Variants in ACO2 observed in about 807,000 individuals in gnomAD.
ACO2 encodes aconitase 2.
In ACO2, 31 loss-of-function variants were observed where a neutral mutation model predicts 84.5. The ratio of observed to expected loss-of-function variants is 0.37; its 90% CI spans 0.28 to 0.50. The LOEUF (loss-of-function observed/expected upper bound fraction) is 0.50, where lower values mean the gene tolerates loss of function less well. ACO2 is among the 20% of genes least tolerant of loss of function. The pLI, the probability that ACO2 is intolerant of heterozygous loss-of-function variation, is 0.97. For synonymous variants in ACO2, 414 were observed against 412.7 expected (o/e 1.00, Z -0.04); for missense variants, 685 against 1,029.3 (o/e 0.67, Z 4.58).
At chr22:41,493,398 C>T (rs6519257) in intron 1 of ACO2, among the ~76,000 whole-genome samples, 6,319 of 152,208 alleles carry the variant, frequency 0.042, 420 homozygotes, top group African/African-American at 0.14. Context: ...GATATGGCCC[C>T]CTCTTTTAAC....
At position 41,528,493 on chromosome 22, in the gene ACO2, C is replaced by T; in HGVS notation, c.2223C>T (p.Ile741=). 1 of 1,612,322 alleles carries T rather than the reference C, an allele frequency of 6.2e-7. No individual in the cohort carries two copies. Among genetic ancestry groups the T allele is most frequent in the Non-Finnish European group, 8.5e-7 (1 of 1,180,008 alleles). The part of the protein sequence containing the change: ...DFTPGKPLKC[I]IKHPNGTQET... ...TCTCCTTGCAGCCCCTGAAGTGCAT[C>T]ATCAAGCACCCCAACGGGACCCAGG... The change falls in exon 18 of 18, where the codon ATC becomes ATT. Residue 741 remains isoleucine, a synonymous_variant. Transcript: ENST00000216254.
At chr22:41,501,211 C>T (rs1209607019) in intron 2 of ACO2, among the ~76,000 whole-genome samples, 1 of 151,966 alleles carries the variant, frequency 6.6e-6, no homozygotes, top group Non-Finnish European at 1.5e-5. Context: ...GCCACATTGC[C>T]ACTGATCTCG....
At chr22:41,494,411 C>CTTT (rs879644372) in intron 1 of ACO2, among the ~76,000 whole-genome samples, 2 of 139,084 alleles carry the variant, frequency 1.4e-5, no homozygotes. Flanking sequence ...TATTCTGTAT[C>CTTT]TTTTTTTTTT....
chr22:41,489,085 C>A (rs1299401692), intron 1 of ACO2, among the ~76,000 whole-genome samples: 4 of 152,080 alleles, frequency 2.6e-5, no homozygotes, highest in Non-Finnish European at 2.9e-5. Context: ...GTGGTCCAGG[C>A]TGGAGTGCAG....
intron 1 of ACO2, among the ~76,000 whole-genome samples, chr22:41,480,677 T>C (rs1171051697): frequency 6.6e-6 from 1 of 152,230 alleles, no homozygotes; most frequent in African/African-American, 2.4e-5. Flanking sequence ...ATATATTTTT[T>C]GTAATAGAAT....
intron 3 of ACO2, among the ~76,000 whole-genome samples, chr22:41,511,242 G>A (rs1338146103): frequency 6.6e-6 from 1 of 152,128 alleles, no homozygotes; most frequent in East Asian, 1.9e-4. Flanking sequence ...GCACGATCTC[G>A]GCTCATTGCA....
chr22:41,526,099 G>A (rs984857722), intron 14 of ACO2, 163 bp from the exon 15 acceptor site: 3 of 613,128 alleles, frequency 4.9e-6, no homozygotes, highest in African/African-American at 3.7e-5. Context: ...GCCTTAGGGT[G>A]GAAGCACCAG....
chr22:41,528,794 T>C lies in ACO2; in HGVS notation c.*181T>C. On this transcript the variant is annotated 3_prime_UTR_variant, in exon 18 of 18. Transcript: ENST00000216254. ...GGTGGGGGGGTTCTTAAAATAACTT[T>C]TTAGCCCCCGTCTTCCTATTTTGAG... 1 of 811,938 alleles carries C rather than the reference T, an allele frequency of 1.2e-6. No individual in the cohort carries two copies. Among genetic ancestry groups the C allele is most frequent in the Non-Finnish European group, 1.9e-6 (1 of 539,140 alleles). The allele number at this position is 811,938 out of a possible 1,614,324, so 50.3% of individuals were successfully genotyped here.
intron 4 of ACO2, among the ~76,000 whole-genome samples, chr22:41,512,551 T>C (rs1401226933): frequency 6.6e-6 from 1 of 152,028 alleles, no homozygotes; most frequent in African/African-American, 2.4e-5. Flanking sequence ...CTGGAGCGAG[T>C]GCCCCATGCC....
chr22:41,511,990 C>T (rs749899216), intron 4 of ACO2, 22 bp downstream of exon 4: 54 of 1,588,952 alleles, frequency 3.4e-5, no homozygotes, highest in East Asian at 9.2e-5. Flanking sequence ...CTCAGTCTGC[C>T]GTCCCAAGGG....
chr22:41,528,070 C>T (rs2066641962), intron 17 of ACO2, 48 bp downstream of exon 17: 2 of 1,612,578 alleles, frequency 1.2e-6, no homozygotes, highest in Non-Finnish European at 8.5e-7. Flanking sequence ...GGGCAGCCAC[C>T]TTGTTTCCCC....
chr22:41,518,619 G>A, intron 8 of ACO2, 47 bp downstream of exon 8: 1 of 1,430,832 alleles, frequency 7.0e-7, no homozygotes, highest in Non-Finnish European at 9.9e-7. Context: ...AGAGTAGTGG[G>A]GAGCAGGGCG....
chr22:41,514,764 G>A (rs1468790033), intron 4 of ACO2, among the ~76,000 whole-genome samples: 1 of 152,254 alleles, frequency 6.6e-6, no homozygotes, highest in Non-Finnish European at 1.5e-5. Context: ...CTGTGAAATG[G>A]GACAGGTGAT....
intron 1 of ACO2, among the ~76,000 whole-genome samples, chr22:41,474,147 T>C (rs933075832): frequency 6.6e-6 from 1 of 151,766 alleles, no homozygotes; most frequent in South Asian, 2.1e-4. Flanking sequence ...TAATGAGATG[T>C]ATTCAAAATT....
chr22:41,479,522 A>G (rs996496906), intron 1 of ACO2, among the ~76,000 whole-genome samples: 2 of 152,178 alleles, frequency 1.3e-5, no homozygotes, highest in African/African-American at 4.8e-5. Flanking sequence ...AGTCAGCCAA[A>G]CCGTTTCCCC....
chr22:41,525,293 A>T lies in ACO2; in HGVS notation c.1706A>T (p.Glu569Val), dbSNP rs376270613. The change falls in exon 14 of 18, where the codon GAG (glutamate) becomes GTG (valine). Residue 569 changes from glutamate to valine, a missense_variant. Physicochemically the swap from Glu to Val is moderately radical, Grantham distance 121. Around this residue, in one of 5 missense-constraint regions of ACO2, gnomAD observed 311 missense variants for 441.6 expected, o/e 0.70. Coordinates refer to ENST00000216254, the MANE Select transcript of ACO2 (RefSeq NM_001098.3). ...SPTSQRLQLL[E>V]PFDKWDGKDL... ...ACCAGCCAGCGCCTGCAGCTCCTGGAGCCTTTTGACAAGTGGGATGGCAAG... is the reference window on the plus strand; with the variant it reads ...ACCAGCCAGCGCCTGCAGCTCCTGGTGCCTTTTGACAAGTGGGATGGCAAG... 6.2e-7 allele frequency: 1 copy of T among 1,614,044 alleles called. No homozygotes were observed. The highest frequency in any genetic ancestry group is 8.5e-7 in the Non-Finnish European group (1 of 1,179,992).
At chr22:41,489,626 C>G (rs1322186687) in intron 1 of ACO2, among the ~76,000 whole-genome samples, 1 of 152,000 alleles carries the variant, frequency 6.6e-6, no homozygotes, top group Non-Finnish European at 1.5e-5. Flanking sequence ...TTCCCTTACT[C>G]TGGAGGTAAG....
intron 2 of ACO2, 145 bp from the exon 3 acceptor site, chr22:41,507,646 A>T: frequency 8.6e-7 from 1 of 1,161,908 alleles, no homozygotes; most frequent in Non-Finnish European, 1.2e-6. Context: ...AGCAGTCCCC[A>T]CCCAAGTGGA....
At chr22:41,504,711 C>CCT (rs2066379968) in intron 2 of ACO2, among the ~76,000 whole-genome samples, 1 of 48,604 alleles carries the variant, frequency 2.1e-5, no homozygotes, top group Non-Finnish European at 4.0e-5. Context: ...ACCTTAGGGA[C>CCT]TTTTTTTTTT....
Sources: gnomAD v4.1 joint callset for allele counts (sites outside exome capture counted in the v4.1 genomes callset) on GRCh38, gnomAD v4.1.1 for gene constraint, gnomAD v4.1.1 regional missense constraint, MANE v1.5 for transcripts, NCBI Gene and HGNC (gene_info 2026-07-23, HGNC 2026-07-21) for gene names.